The following PLCB1 variants were observed in gnomAD, a reference collection of about 807,000 sequenced individuals.
PLCB1 encodes the protein 1-phosphatidylinositol 4,5-bisphosphate phosphodiesterase beta-1.
A neutral mutation model predicts 161.8 loss-of-function variants in PLCB1; 46 were observed. The observed-to-expected ratio is 0.28, with a 90% confidence interval of 0.22 to 0.36. PLCB1 has a LOEUF of 0.36. Among genes scored for constraint, PLCB1 ranks in the 10% least tolerant of loss-of-function variants. The probability of loss-of-function intolerance (pLI) is 1.00; values close to 1 mark genes in which losing one functional copy is unlikely to be tolerated. For missense variants in PLCB1, 1,016 were observed against 1,472.5 expected (o/e 0.69, Z 5.07); for synonymous variants, 517 against 503.7 (o/e 1.03, Z -0.35).
chr20:8,325,176 A>G (rs893862461), intron 2 of PLCB1, among the ~76,000 whole-genome samples: 1 of 152,196 alleles, frequency 6.6e-6, no homozygotes, highest in Non-Finnish European at 1.5e-5. Flanking sequence ...TGAAAACTAT[A>G]GCACTGGTTT....
At chr20:8,514,085 T>C (rs555706301) in intron 3 of PLCB1, among the ~76,000 whole-genome samples, 56 of 149,694 alleles carry the variant, frequency 3.7e-4, no homozygotes, top group African/African-American at 1.3e-3. Context: ...AGAAAAAAGA[T>C]GTAATTACAC....
intron 2 of PLCB1, among the ~76,000 whole-genome samples, chr20:8,360,853 AG>A (rs1365406518): frequency 6.6e-6 from 1 of 152,198 alleles, no homozygotes; most frequent in Non-Finnish European, 1.5e-5. Flanking sequence ...TGAGAGGAAA[AG>A]GTCATCAAAA....
At chr20:8,336,895 A>G (rs1477290774) in intron 2 of PLCB1, among the ~76,000 whole-genome samples, 1 of 152,074 alleles carries the variant, frequency 6.6e-6, no homozygotes, top group Non-Finnish European at 1.5e-5. Flanking sequence ...GATGATAACT[A>G]TGATTATAAT....
intron 3 of PLCB1, among the ~76,000 whole-genome samples, chr20:8,540,168 CT>C (rs1311685288): frequency 6.6e-6 from 1 of 152,016 alleles, no homozygotes; most frequent in Non-Finnish European, 1.5e-5. Flanking sequence ...GTTTGCATCA[CT>C]TTTTTTTCAT....
At chr20:8,630,924 A>G (rs568388676) in intron 4 of PLCB1, among the ~76,000 whole-genome samples, 38 of 152,274 alleles carry the variant, frequency 2.5e-4, no homozygotes, top group African/African-American at 8.9e-4. Context: ...TTTATCTCCA[A>G]TCCCTGTAAT....
At chr20:8,832,726 T>G (rs1273668884) in intron 31 of PLCB1, among the ~76,000 whole-genome samples, 2 of 152,208 alleles carry the variant, frequency 1.3e-5, no homozygotes, top group African/African-American at 2.4e-5. Context: ...AAGAAAACGC[T>G]TGGTCTTGCT....
intron 3 of PLCB1, among the ~76,000 whole-genome samples, chr20:8,611,398 T>C (rs551505490): frequency 3.9e-5 from 6 of 152,242 alleles, no homozygotes; most frequent in African/African-American, 1.2e-4. Context: ...ACATCAGTAA[T>C]TGTTAATAAA....
chr20:8,132,830 C>A lies in PLCB1; in HGVS notation c.99+80C>A. 2.0e-6 allele frequency: 2 copies of A among 988,244 alleles called. No individual in the cohort carries two copies. The highest frequency in any genetic ancestry group is 3.1e-6 in the Non-Finnish European group (2 of 640,800). The allele number at this position is 988,244 out of a possible 1,614,324, so 61.2% of individuals were successfully genotyped here. A position where few individuals can be genotyped will look rare whatever the true frequency, so the allele number is the denominator to read the frequency against. On this transcript the variant is annotated intron_variant, in intron 1 of 31. Transcript: ENST00000338037. This position sits in a 1 kb window ranked among gnomAD's most constrained non-coding sequence, Gnocchi z 5.2. ...GGCGTCGTGGGGGTGGGGCAAGGGG[C>A]GCGTTATGCAATGGGCGCACTGGGA... is the stretch of plus-strand genomic sequence containing the variant.
At chr20:8,387,707 T>C (rs1471155192) in intron 3 of PLCB1, among the ~76,000 whole-genome samples, 1 of 152,060 alleles carries the variant, frequency 6.6e-6, no homozygotes, top group Non-Finnish European at 1.5e-5. Flanking sequence ...CAAAGCACAA[T>C]GAAGCAAAGT....
chr20:8,493,694 G>GT (rs1399580386), intron 3 of PLCB1, among the ~76,000 whole-genome samples: 1 of 143,010 alleles, frequency 7.0e-6, no homozygotes, highest in Non-Finnish European at 1.5e-5. Context: ...GTCTGCATGA[G>GT]TGCTGTGTGC....
intron 9 of PLCB1, among the ~76,000 whole-genome samples, chr20:8,666,952 A>T (rs6039225): frequency 0.46 from 69,359 of 151,766 alleles, 16,016 homozygotes; most frequent in Admixed American, 0.5. Flanking sequence ...GCCCAAACCC[A>T]GGGATATTCA....
intron 4 of PLCB1, among the ~76,000 whole-genome samples, chr20:8,644,755 C>T (rs1278664417): frequency 2.0e-5 from 3 of 151,818 alleles, no homozygotes; most frequent in East Asian, 2.0e-4. Flanking sequence ...AGGTGAGGGG[C>T]GCCTCTGCCC....
At chr20:8,827,399 G>A (rs897318885) in intron 31 of PLCB1, among the ~76,000 whole-genome samples, 1 of 152,162 alleles carries the variant, frequency 6.6e-6, no homozygotes, top group African/African-American at 2.4e-5. Context: ...AGCAGCAAAG[G>A]AAAGGATTTA....
At chr20:8,376,718 G>A (rs1483876239) in intron 3 of PLCB1, among the ~76,000 whole-genome samples, 2 of 152,052 alleles carry the variant, frequency 1.3e-5, no homozygotes, top group Non-Finnish European at 2.9e-5. Context: ...CACGAGGTCA[G>A]GAGATCGAGA....
chr20:8,161,782 A>G (rs1337517113), intron 2 of PLCB1, among the ~76,000 whole-genome samples: 2 of 147,800 alleles, frequency 1.4e-5, no homozygotes, highest in African/African-American at 5.0e-5. Context: ...AGAACATTGG[A>G]CTTTTTTTTT....
intron 31 of PLCB1, among the ~76,000 whole-genome samples, chr20:8,847,660 T>G (rs1986735667): frequency 6.6e-6 from 1 of 152,198 alleles, no homozygotes; most frequent in Admixed American, 6.5e-5. Flanking sequence ...GTTGCAAGAC[T>G]TGGACCACCC....
chr20:8,199,621 A>G (rs1568587608), intron 2 of PLCB1, among the ~76,000 whole-genome samples: 1 of 152,094 alleles, frequency 6.6e-6, no homozygotes, highest in Non-Finnish European at 1.5e-5. Context: ...TTTGTATGTG[A>G]GATTCTTAAT....
At chr20:8,417,783 C>T (rs1422426101) in intron 3 of PLCB1, among the ~76,000 whole-genome samples, 3 of 152,216 alleles carry the variant, frequency 2.0e-5, no homozygotes, top group South Asian at 2.1e-4. Flanking sequence ...GAGAGAAAAT[C>T]GTCAAATACC....
chr20:8,421,883 A>C (rs1219343973), intron 3 of PLCB1, among the ~76,000 whole-genome samples: 1 of 152,206 alleles, frequency 6.6e-6, no homozygotes, highest in African/African-American at 2.4e-5. Context: ...ATGCATGCTG[A>C]AGTTTGAGAA....
Sources: gnomAD v4.1 joint callset for allele counts (sites outside exome capture counted in the v4.1 genomes callset) on GRCh38, gnomAD v4.1.1 for gene constraint, Gnocchi (gnomAD v3.1) non-coding constraint, MANE v1.5 for transcripts, NCBI Gene and HGNC (gene_info 2026-07-23, HGNC 2026-07-21) for gene names.